The following DLG2 variants were observed in gnomAD, a reference collection of about 807,000 sequenced individuals.
DLG2 encodes the protein discs large MAGUK scaffold protein 2.
In DLG2, 45 loss-of-function variants were observed where a neutral mutation model predicts 132.5. That is an observed-to-expected ratio of 0.34 (90% confidence interval 0.27 to 0.44). DLG2 has a LOEUF of 0.44. Among genes scored for constraint, DLG2 ranks in the 20% least tolerant of loss-of-function variants. The pLI, the probability that DLG2 is intolerant of heterozygous loss-of-function variation, is 1.00. For synonymous variants in DLG2, 424 were observed against 419.6 expected (o/e 1.01, Z -0.13); for missense variants, 1,045 against 1,196.9 (o/e 0.87, Z 1.87).
intron 6 of DLG2, among the ~76,000 whole-genome samples, chr11:85,000,578 A>AT (rs1258166824): frequency 6.6e-6 from 1 of 152,136 alleles, no homozygotes; most frequent in African/African-American, 2.4e-5. Context: ...TGTGAATACC[A>AT]TTTTTTAGGA....
rs1373327540 is a variant in DLG2 at position 85,626,613 on chromosome 11, G to T, written c.-119C>A. ...TTATGGCCCACCTGTCTTCTTGACT[G>T]GCATTCTTGGGTCTTTCCACTGCCA... On this transcript the variant is annotated 5_prime_UTR_variant, in exon 2 of 28. Transcript: ENST00000376104. 1 of 152,174 alleles carries T rather than the reference G, an allele frequency of 6.6e-6. No homozygotes were observed. The highest frequency in any genetic ancestry group is 1.5e-5 in the Non-Finnish European group (1 of 68,030). 9.4% of individuals were successfully genotyped at this position (152,174 alleles called of 1,614,324 possible).
At chr11:84,918,000 C>T (rs1234590265) in intron 6 of DLG2, among the ~76,000 whole-genome samples, 1 of 152,108 alleles carries the variant, frequency 6.6e-6, no homozygotes, top group Non-Finnish European at 1.5e-5. Flanking sequence ...AATTCCAAGT[C>T]CTGCCTACAA....
intron 8 of DLG2, among the ~76,000 whole-genome samples, chr11:84,209,384 G>C (rs1328738012): frequency 6.6e-6 from 1 of 152,162 alleles, no homozygotes; most frequent in Non-Finnish European, 1.5e-5. Context: ...ATGCAATGCG[G>C]AATCTCGGAC....
At chr11:84,329,448 G>A (rs2098448634) in intron 7 of DLG2, among the ~76,000 whole-genome samples, 1 of 152,132 alleles carries the variant, frequency 6.6e-6, no homozygotes, top group African/African-American at 2.4e-5. Flanking sequence ...GTTCTCATGA[G>A]ATCTGATAGT....
intron 7 of DLG2, among the ~76,000 whole-genome samples, chr11:84,405,363 A>G (rs1223518629): frequency 6.6e-6 from 1 of 152,030 alleles, no homozygotes; most frequent in Non-Finnish European, 1.5e-5. Context: ...TTTACTTCCT[A>G]TTATCTCTGC....
chr11:84,809,364 T>C (rs1478993689), intron 6 of DLG2, among the ~76,000 whole-genome samples: 1 of 151,892 alleles, frequency 6.6e-6, no homozygotes, highest in African/African-American at 2.4e-5. Context: ...TGTACTATGA[T>C]TAGGAGCAAG....
intron 14 of DLG2, among the ~76,000 whole-genome samples, chr11:83,936,497 A>T (rs2081470999): frequency 6.6e-6 from 1 of 152,232 alleles, no homozygotes; most frequent in Non-Finnish European, 1.5e-5. Context: ...TATTAATAAT[A>T]GTTTAGATAC....
At chr11:83,843,162 C>G (rs1261182063) in intron 16 of DLG2, among the ~76,000 whole-genome samples, 1 of 152,194 alleles carries the variant, frequency 6.6e-6, no homozygotes, top group Non-Finnish European at 1.5e-5. Flanking sequence ...CTTCATTGTG[C>G]CCCTTTGTAT....
rs762050933 is a variant in DLG2 at position 83,724,476 on chromosome 11, T to TGTGAGAGAGAGAGAGAGAGA, written c.1825+62213_1825+62214insTCTCTCTCTCTCTCTCTCAC. Among the ~76,000 whole-genome samples the TGTGAGAGAGAGAGAGAGAGA allele has an allele frequency of 2.5e-4, 29 of 118,214 alleles. No individual in the cohort carries two copies. The East Asian group carries it at 3.0e-3, about 12-fold the overall frequency. The allele number at this position is 118,214 out of a possible 152,430, so 77.6% of individuals were successfully genotyped here. A position where few individuals can be genotyped will look rare whatever the true frequency, so the allele number is the denominator to read the frequency against. On this transcript the variant is annotated intron_variant, in intron 18 of 27. Coordinates refer to ENST00000376104, the MANE Select transcript of DLG2 (RefSeq NM_001142699.3). ...CTCTCTCCGTGTGTGTGTGTGTGTG[T>TGTGAGAGAGAGAGAGAGAGA]GAGAGAGAGAGAGAGAGAGAGAGAG... is the stretch of plus-strand genomic sequence containing the variant.
chr11:84,601,967 G>C (rs1183468548), intron 6 of DLG2, among the ~76,000 whole-genome samples: 1 of 151,960 alleles, frequency 6.6e-6, no homozygotes, highest in Non-Finnish European at 1.5e-5. Context: ...TTACCCTTTT[G>C]TTAAAAGAGT....
intron 8 of DLG2, among the ~76,000 whole-genome samples, chr11:84,248,756 AC>A (rs1443403001): frequency 1.3e-5 from 2 of 152,104 alleles, no homozygotes; most frequent in African/African-American, 4.8e-5. Context: ...AGTCCCAGCT[AC>A]TCGGGAGGCT....
rs1469299007 is a variant in DLG2, at chr11:85,255,815, T to C, written c.186+29405A>G. 2.0e-5 allele frequency among the ~76,000 whole-genome samples: 3 copies of C among 151,670 alleles called. No individual in the cohort carries two copies. The East Asian group carries it at 5.8e-4, about 29-fold the overall frequency. On this transcript the variant is annotated intron_variant, in intron 4 of 27. Transcript: ENST00000376104. ...TAAAGAATTACAAAAAGAGTGAGAATAAAATAAAGAAAAAATGAGCAAGAC... is the reference window on the plus strand; with the variant it reads ...TAAAGAATTACAAAAAGAGTGAGAACAAAATAAAGAAAAAATGAGCAAGAC...
intron 6 of DLG2, among the ~76,000 whole-genome samples, chr11:84,658,427 G>A (rs1414194818): frequency 6.6e-6 from 1 of 152,106 alleles, no homozygotes. Flanking sequence ...CATGAGGCTG[G>A]AATTCTCGTG....
intron 6 of DLG2, among the ~76,000 whole-genome samples, chr11:84,632,539 C>T (rs2099633833): frequency 6.6e-6 from 1 of 152,116 alleles, no homozygotes; most frequent in Non-Finnish European, 1.5e-5. Flanking sequence ...ACAAATGGAG[C>T]TAAAAGGAGC....
chr11:83,749,884 G>T (rs185453177), intron 18 of DLG2, among the ~76,000 whole-genome samples: 3 of 152,270 alleles, frequency 2.0e-5, no homozygotes, highest in Admixed American at 6.5e-5. Context: ...GATAAAATAA[G>T]TGAAGCGTTT....
chr11:84,397,447 G>A (rs536703383), intron 7 of DLG2, among the ~76,000 whole-genome samples: 1 of 152,198 alleles, frequency 6.6e-6, no homozygotes, highest in East Asian at 1.9e-4. Flanking sequence ...CAGTTATTTT[G>A]GCACCATTCA....
At chr11:85,202,325 T>C (rs985739167) in intron 4 of DLG2, among the ~76,000 whole-genome samples, 2 of 152,044 alleles carry the variant, frequency 1.3e-5, no homozygotes, top group African/African-American at 4.8e-5. Context: ...TAAAATCAAA[T>C]AACATACAAG....
chr11:83,721,771 T>C (rs1281076770), intron 18 of DLG2, among the ~76,000 whole-genome samples: 1 of 152,180 alleles, frequency 6.6e-6, no homozygotes, highest in Non-Finnish European at 1.5e-5. Context: ...AAATTCCACA[T>C]ATGCAGCCAG....
chr11:83,692,486 G>C (rs929457677), intron 18 of DLG2, among the ~76,000 whole-genome samples: 8 of 152,180 alleles, frequency 5.3e-5, no homozygotes, highest in South Asian at 2.1e-4. Flanking sequence ...CTGGAGGTAG[G>C]GGGTGGGAGG....
Sources: gnomAD v4.1 joint callset for allele counts (sites outside exome capture counted in the v4.1 genomes callset) on GRCh38, gnomAD v4.1.1 for gene constraint, MANE v1.5 for transcripts, NCBI Gene and HGNC (gene_info 2026-07-23, HGNC 2026-07-21) for gene names.